Variants in SCN8A observed in about 807,000 individuals in gnomAD.
SCN8A encodes sodium voltage-gated channel alpha subunit 8, also known as sodium channel protein type 8 subunit alpha.
SCN8A carries 30 observed loss-of-function variants against 184.1 expected under a neutral mutation model. The ratio of observed to expected loss-of-function variants is 0.16; its 90% confidence interval spans 0.12 to 0.22. The LOEUF (loss-of-function observed/expected upper bound fraction) is 0.22, where lower values mean the gene tolerates loss of function less well. Ranked by LOEUF, SCN8A falls within the 10% of genes least tolerant of loss-of-function variation. The probability of loss-of-function intolerance (pLI) is 1.00; values close to 1 mark genes in which losing one functional copy is unlikely to be tolerated. For synonymous variants in SCN8A, 852 were observed against 907.0 expected (o/e 0.94, Z 1.09); for missense variants, 1,057 against 2,498.9 (o/e 0.42, Z 12.30).
chr12:51,669,719 G>A (rs546810562), intron 2 of SCN8A, among the ~76,000 whole-genome samples: 3 of 152,326 alleles, frequency 2.0e-5, no homozygotes, highest in South Asian at 2.1e-4. Flanking sequence ...TAGATGTGGA[G>A]GGTACCTGTG....
intron 14 of SCN8A, among the ~76,000 whole-genome samples, chr12:51,762,142 C>T (rs927414263): frequency 6.6e-6 from 1 of 152,052 alleles, no homozygotes; most frequent in African/African-American, 2.4e-5. Flanking sequence ...TTTTTTTAAG[C>T]AAACATCACA....
intron 26 of SCN8A, among the ~76,000 whole-genome samples, chr12:51,799,194 C>T (rs988392146): frequency 5.9e-5 from 9 of 152,316 alleles, no homozygotes; most frequent in South Asian, 2.1e-4. Flanking sequence ...GGTAGGGTGG[C>T]AGCAGTGGGG....
chr12:51,662,112 C>G (rs1443359136), intron 1 of SCN8A, among the ~76,000 whole-genome samples: 1 of 152,136 alleles, frequency 6.6e-6, no homozygotes, highest in Non-Finnish European at 1.5e-5. Context: ...GCAGGTGGCA[C>G]TTAGAACAGT....
intron 13 of SCN8A, among the ~76,000 whole-genome samples, chr12:51,749,411 C>A (rs375151252): frequency 6.6e-6 from 1 of 152,126 alleles, no homozygotes; most frequent in African/African-American, 2.4e-5. Context: ...TCAACCTCCA[C>A]GTGCCAATGA....
chr12:51,775,738 G>A (rs1937672677), intron 20 of SCN8A, among the ~76,000 whole-genome samples: 1 of 152,206 alleles, frequency 6.6e-6, no homozygotes, highest in Non-Finnish European at 1.5e-5. Flanking sequence ...GTGCCATAGA[G>A]TCTTCATTTC....
chr12:51,668,176 T>G (rs1413591570), intron 2 of SCN8A, among the ~76,000 whole-genome samples: 1 of 93,544 alleles, frequency 1.1e-5, no homozygotes, highest in African/African-American at 3.6e-5. Flanking sequence ...AGAGTGAAAC[T>G]CCATCTCAAA....
intron 1 of SCN8A, among the ~76,000 whole-genome samples, chr12:51,634,752 G>A (rs1395088369): frequency 1.3e-5 from 2 of 151,216 alleles, no homozygotes; most frequent in Non-Finnish European, 2.9e-5. Context: ...GGGTTCAAGC[G>A]ATTCTCTGGC....
chr12:51,801,095 A>C (rs1196597176), intron 26 of SCN8A, among the ~76,000 whole-genome samples: 3 of 152,138 alleles, frequency 2.0e-5, no homozygotes, highest in Admixed American at 1.3e-4. Context: ...GCTTCCTATC[A>C]ATTTCACTTC....
At chr12:51,796,095 C>CCA (rs10652888) in intron 26 of SCN8A, among the ~76,000 whole-genome samples, 130,686 of 152,046 alleles carry the variant, frequency 0.86, 56,356 homozygotes, top group East Asian at 0.98. Flanking sequence ...CTTTATTAGA[C>CCA]CAGTTTCCTT....
chr12:51,714,588 C>G (rs1214073600), intron 11 of SCN8A, among the ~76,000 whole-genome samples: 4 of 152,104 alleles, frequency 2.6e-5, no homozygotes, highest in Non-Finnish European at 4.4e-5. Context: ...TCTCAGGGAC[C>G]TCCGGGGGTC....
intron 1 of SCN8A, among the ~76,000 whole-genome samples, chr12:51,603,766 G>A (rs2138562720): frequency 6.6e-6 from 1 of 151,876 alleles, no homozygotes; most frequent in Non-Finnish European, 1.5e-5. Flanking sequence ...TCTAATAGGT[G>A]TGTAGTGGTA....
At position 51,610,110 on chromosome 12, in the gene SCN8A, C is replaced by T. The variant is rs369894061; in HGVS notation, c.-55+18751C>T. On this transcript the variant is annotated intron_variant, in intron 1 of 26. Coordinates refer to ENST00000627620, the MANE Select transcript of SCN8A (RefSeq NM_001330260.2). Reference sequence around the variant, plus strand: ...GCTTGAACCCAGGAGGCGGAGGTTGCAGTGAGCCGAGATCACACCATGGCA... The same window carrying T: ...GCTTGAACCCAGGAGGCGGAGGTTGTAGTGAGCCGAGATCACACCATGGCA... 1.2e-4 allele frequency among the ~76,000 whole-genome samples: 16 copies of T among 135,970 alleles called. No individual in the cohort carries two copies. The East Asian group carries it at 1.9e-3, about 16-fold the overall frequency. 89.2% of individuals were successfully genotyped at this position (135,970 alleles called of 152,430 possible). A position where few individuals can be genotyped will look rare whatever the true frequency, so the allele number is the denominator to read the frequency against.
At chr12:51,743,720 C>T (rs1306707117) in intron 12 of SCN8A, among the ~76,000 whole-genome samples, 1 of 152,204 alleles carries the variant, frequency 6.6e-6, no homozygotes, top group Non-Finnish European at 1.5e-5. Flanking sequence ...CTATAGTCAG[C>T]AGGTGGTGAA....
At chr12:51,646,913 G>T (rs1166847260) in intron 1 of SCN8A, among the ~76,000 whole-genome samples, 2 of 152,218 alleles carry the variant, frequency 1.3e-5, no homozygotes, top group African/African-American at 4.8e-5. Context: ...TATGTACAAG[G>T]TGGAAACCTG....
intron 26 of SCN8A, among the ~76,000 whole-genome samples, chr12:51,803,500 A>G (rs1346835575): frequency 6.6e-6 from 1 of 151,964 alleles, no homozygotes; most frequent in Non-Finnish European, 1.5e-5. Flanking sequence ...AACCATCACA[A>G]GGAATTGGGG....
At position 51,706,721 on chromosome 12, in the gene SCN8A, C is replaced by T; in HGVS notation, c.1635+6C>T. On this transcript the variant is annotated splice_donor_region_variant and intron_variant, in intron 11 of 26. Coordinates refer to ENST00000627620, the MANE Select transcript of SCN8A (RefSeq NM_001330260.2). ...AATTTTCCATCATGAATCAGGTAAA[C>T]TCTTCTTTTTTCTATACCTTTTTCA... is the stretch of plus-strand genomic sequence containing the variant. 1 of 1,513,266 alleles carries T rather than the reference C, an allele frequency of 6.6e-7. No homozygotes were observed. The allele number at this position is 1,513,266 out of a possible 1,614,324, so 93.7% of individuals were successfully genotyped here.
intron 1 of SCN8A, among the ~76,000 whole-genome samples, chr12:51,649,582 T>C (rs1473779561): frequency 6.6e-6 from 1 of 152,164 alleles, no homozygotes; most frequent in African/African-American, 2.4e-5. Flanking sequence ...AGCTGCCAAG[T>C]CTTGGAGCTT....
chr12:51,785,648 G>A (rs918875631), intron 21 of SCN8A, among the ~76,000 whole-genome samples: 1 of 152,118 alleles, frequency 6.6e-6, no homozygotes, highest in South Asian at 2.1e-4. Context: ...TGATTCCTAA[G>A]GGGTTTTTTT....
chr12:51,662,533 G>A lies in SCN8A; in HGVS notation c.-54-231G>A, dbSNP rs374317057. 9.9e-5 allele frequency among the ~76,000 whole-genome samples: 15 copies of A among 152,282 alleles called. No homozygotes were observed. The South Asian group carries it at 1.7e-3, about 17-fold the overall frequency. ...TGGTTCCTAATAGTGAGTTGCATCT[G>A]AGTGAATATAATAAATAACTAGCAA... is the stretch of plus-strand genomic sequence containing the variant. On this transcript the variant is annotated intron_variant, in intron 1 of 26. Transcript: ENST00000627620.
Sources: allele counts gnomAD v4.1 joint callset (sites outside exome capture counted in the v4.1 genomes callset), GRCh38; gene constraint gnomAD v4.1.1; transcripts MANE v1.5; gene names NCBI Gene and HGNC (gene_info 2026-07-23, HGNC 2026-07-21).